LRBA: variants seen among roughly 807,000 people sequenced by gnomAD.
LRBA encodes LPS responsive beige-like anchor protein, also known as lipopolysaccharide-responsive and beige-like anchor protein.
A neutral mutation model predicts 330.0 loss-of-function variants in LRBA; 176 were observed. The ratio of observed to expected loss-of-function variants is 0.53; its 90% CI spans 0.47 to 0.60. The LOEUF (loss-of-function observed/expected upper bound fraction) is 0.60, where lower values mean the gene tolerates loss of function less well. Among genes scored for constraint, LRBA ranks in the 20% least tolerant of loss-of-function variants. The pLI, the probability that LRBA is intolerant of heterozygous loss-of-function variation, is 0.00. For missense variants in LRBA, 3,259 were observed against 3,444.8 expected, an observed-to-expected ratio of 0.95 and a Z score of 1.35; for synonymous variants, 1,230 against 1,193.0, an observed-to-expected ratio of 1.03 and a Z score of -0.64.
At chr4:150,364,280 G>A (rs959104183) in intron 47 of LRBA, among the ~76,000 whole-genome samples, 1 of 152,208 alleles carries the variant, frequency 6.6e-6, no homozygotes, top group Admixed American at 6.5e-5. Flanking sequence ...CATTTAGTGA[G>A]TATTTATGCT....
intron 52 of LRBA, among the ~76,000 whole-genome samples, chr4:150,304,848 A>G (rs1161840911): frequency 6.6e-6 from 1 of 152,222 alleles, no homozygotes; most frequent in Non-Finnish European, 1.5e-5. Flanking sequence ...AGTCTTATTA[A>G]TAACTAGAAA....
At chr4:150,859,478 CA>C (rs200731741) in intron 22 of LRBA, among the ~76,000 whole-genome samples, 17 of 148,986 alleles carry the variant, frequency 1.1e-4, no homozygotes, top group Admixed American at 2.0e-4. Context: ...CAAAAACAAA[CA>C]AAAAAAAATG....
At chr4:150,740,669 T>TA (rs1731829791) in intron 35 of LRBA, among the ~76,000 whole-genome samples, 1 of 150,144 alleles carries the variant, frequency 6.7e-6, no homozygotes, top group Non-Finnish European at 1.5e-5. Context: ...AGTTAAAACT[T>TA]AAAGAAAAAA....
intron 42 of LRBA, among the ~76,000 whole-genome samples, chr4:150,480,155 T>C (rs1213106612): frequency 6.6e-6 from 1 of 152,138 alleles, no homozygotes; most frequent in Non-Finnish European, 1.5e-5. Context: ...CAATACCTAC[T>C]ATGAAAGGAA....
chr4:150,386,961 A>G (rs1743164929), intron 47 of LRBA, among the ~76,000 whole-genome samples: 1 of 152,092 alleles, frequency 6.6e-6, no homozygotes, highest in Non-Finnish European at 1.5e-5. Context: ...AGCCATTCTG[A>G]CTGGTGTGAG....
intron 48 of LRBA, among the ~76,000 whole-genome samples, chr4:150,329,477 T>G (rs1227175261): frequency 3.9e-5 from 6 of 152,236 alleles, no homozygotes; most frequent in Non-Finnish European, 5.9e-5. Context: ...GGCTTAATGC[T>G]TAGACTGGCT....
intron 34 of LRBA, among the ~76,000 whole-genome samples, chr4:150,777,660 A>G (rs1454310842): frequency 6.6e-6 from 1 of 152,080 alleles, no homozygotes; most frequent in Non-Finnish European, 1.5e-5. Flanking sequence ...TGAGAAACAC[A>G]TTACACACAA....
intron 48 of LRBA, among the ~76,000 whole-genome samples, chr4:150,341,841 T>C (rs1194921258): frequency 6.6e-6 from 1 of 151,762 alleles, no homozygotes; most frequent in Non-Finnish European, 1.5e-5. Context: ...TCTAGATAGC[T>C]TTCAACCTTT....
chr4:150,843,775 AT>A (rs1310568887), intron 28 of LRBA, among the ~76,000 whole-genome samples: 1 of 152,176 alleles, frequency 6.6e-6, no homozygotes, highest in East Asian at 1.9e-4. Flanking sequence ...GCCTTAGATT[AT>A]TCATCTATAA....
chr4:150,443,957 C>G (rs1451146080), intron 44 of LRBA, among the ~76,000 whole-genome samples: 1 of 147,080 alleles, frequency 6.8e-6, no homozygotes, highest in Admixed American at 6.8e-5. Flanking sequence ...TGGACTGGTA[C>G]GCTGCCTCTG....
At chr4:150,901,007 C>G (rs571960286) in intron 13 of LRBA, among the ~76,000 whole-genome samples, 28 of 152,188 alleles carry the variant, frequency 1.8e-4, no homozygotes, top group Admixed American at 1.5e-3. Flanking sequence ...TTCATCTTAA[C>G]AAAAAATTGG....
chr4:150,440,757 C>T (rs532820360), intron 44 of LRBA, among the ~76,000 whole-genome samples: 2 of 150,862 alleles, frequency 1.3e-5, no homozygotes, highest in African/African-American at 4.9e-5. Flanking sequence ...GAGACCCTGT[C>T]TCAAACAAAA....
chr4:150,332,688 T>A (rs1734144734), intron 48 of LRBA, among the ~76,000 whole-genome samples: 1 of 146,596 alleles, frequency 6.8e-6, no homozygotes, highest in Non-Finnish European at 1.5e-5. Flanking sequence ...TATTAAATAT[T>A]CTTATTCATC....
At chr4:150,877,035 C>T (rs1188987098) in intron 17 of LRBA, among the ~76,000 whole-genome samples, 1 of 151,928 alleles carries the variant, frequency 6.6e-6, no homozygotes, top group Non-Finnish European at 1.5e-5. Context: ...AGGAGGATCA[C>T]GAGGTCAGGA....
intron 55 of LRBA, among the ~76,000 whole-genome samples, chr4:150,279,959 G>GTGT (rs1447896295): frequency 2.6e-5 from 4 of 152,190 alleles, no homozygotes; most frequent in African/African-American, 9.7e-5. Context: ...TACTGGATAA[G>GTGT]TGTTATACTA....
At chr4:150,663,459 G>C (rs1277640697) in intron 37 of LRBA, among the ~76,000 whole-genome samples, 1 of 150,762 alleles carries the variant, frequency 6.6e-6, no homozygotes, top group African/African-American at 2.4e-5. Context: ...AAAAATACCA[G>C]ACTTATTTTG....
chr4:150,415,661 C>T, intron 46 of LRBA, 71 bp from the exon 47 acceptor site: 1 of 905,688 alleles, frequency 1.1e-6, no homozygotes, highest in East Asian at 2.5e-5. Context: ...AAAAAAGGAC[C>T]TGATCATTTT....
chr4:150,318,081 T>G (rs1210582394), intron 50 of LRBA, among the ~76,000 whole-genome samples: 8 of 152,204 alleles, frequency 5.3e-5, no homozygotes. Flanking sequence ...TTATTCTGCA[T>G]CAAATATGCC....
chr4:150,701,258 G>T (rs561224380), intron 36 of LRBA, among the ~76,000 whole-genome samples: 30 of 152,056 alleles, frequency 2.0e-4, no homozygotes, highest in African/African-American at 7.0e-4. Context: ...CCTTCTTCTG[G>T]AATACCTCTT....
Sources: allele counts gnomAD v4.1 joint callset (sites outside exome capture counted in the v4.1 genomes callset), GRCh38; gene constraint gnomAD v4.1.1; transcripts MANE v1.5; gene names NCBI Gene and HGNC (gene_info 2026-07-23, HGNC 2026-07-21).